The following NPEPL1 variants were observed in gnomAD, a reference collection of about 807,000 sequenced individuals.
The protein encoded by NPEPL1 is probable aminopeptidase NPEPL1.
Under a neutral mutation model 52.4 loss-of-function variants are expected in NPEPL1, and 45 were observed. The ratio of observed to expected loss-of-function variants is 0.86; its 90% CI spans 0.68 to 1.10. The LOEUF (loss-of-function observed/expected upper bound fraction) is 1.10. Among genes scored for constraint, NPEPL1 ranks in the 50% least tolerant of loss-of-function variants. The probability of loss-of-function intolerance (pLI) is 0.00; values close to 1 mark genes in which losing one functional copy is unlikely to be tolerated. For missense variants in NPEPL1, 696 were observed against 710.9 expected (o/e 0.98, Z 0.24); for synonymous variants, 360 against 314.7 (o/e 1.14, Z -1.52).
rs373873091 is a variant in NPEPL1, at chr20:58,715,215, C to T, written c.1461C>T (p.Phe487=). 95 of 1,607,998 alleles carry T rather than the reference C, an allele frequency of 5.9e-5. No homozygotes were observed. The Middle Eastern group carries it at 1.9e-3, about 33-fold the overall frequency. The part of the protein sequence containing the change: ...GFGVALLLAL[F]GRASEDPLLN... ...GTGTGGCCCTCCTGCTGGCGCTCTT[C>T]GGCCGTGCCTCTGAGGACCCTCTGC... is the stretch of plus-strand genomic sequence containing the variant. The change falls in exon 12 of 12, where the codon TTC becomes TTT. Residue 487 remains phenylalanine, a synonymous_variant. Coordinates refer to ENST00000356091, the MANE Select transcript of NPEPL1 (RefSeq NM_024663.4).
At chr20:58,692,568 G>T (rs1490449396), upstream of NPEPL1, 2 of 147,272 alleles carry the variant, frequency 1.4e-5, no homozygotes, top group Admixed American at 1.4e-4. This position sits in a 1 kb window ranked among gnomAD's most constrained non-coding sequence, Gnocchi z 5.7. Flanking sequence ...GGGCCACGTC[G>T]CCCCGCGTGT....
intron 6 of NPEPL1, chr20:58,705,523 TC>T: frequency 2.2e-6 from 1 of 456,306 alleles, no homozygotes; most frequent in Non-Finnish European, 4.4e-6. Flanking sequence ...ATACAGTGGC[TC>T]CCGGACCTCT....
rs1157857556 is a variant in NPEPL1, at chr20:58,699,287, G to T, written c.679+9G>T. 1.3e-6 allele frequency: 2 copies of T among 1,599,678 alleles called. No individual in the cohort carries two copies. The highest frequency in any genetic ancestry group is 1.7e-6 in the Non-Finnish European group (2 of 1,172,554). ...GACGAGAGGATTTGGAGGTGGGTGG[G>T]GGCTGCATCCCTGCAGCTCTTGGCC... On this transcript the variant is annotated intron_variant, in intron 5 of 11. Coordinates refer to ENST00000356091, the MANE Select transcript of NPEPL1 (RefSeq NM_024663.4).
chr20:58,713,694 C>T lies in NPEPL1; in HGVS notation c.1125+151C>T. 1 of 1,220,690 alleles carries T rather than the reference C, an allele frequency of 8.2e-7. No homozygotes were observed. Among genetic ancestry groups the T allele is most frequent in the South Asian group, 1.7e-5 (1 of 60,232 alleles). 75.6% of individuals were successfully genotyped at this position (1,220,690 alleles called of 1,614,324 possible). On this transcript the variant is annotated intron_variant, in intron 9 of 11. Transcript: ENST00000356091. The surrounding 1 kb of genome is among the most constrained non-coding windows in gnomAD (Gnocchi z 4.6). Reference sequence around the variant, plus strand: ...GAGGCAGGAGGAGCTGCCCGTCAAGCTTGGTGTGGGCAGTACCGAGGCCCA... The same window carrying T: ...GAGGCAGGAGGAGCTGCCCGTCAAGTTTGGTGTGGGCAGTACCGAGGCCCA...
rs1294847281 is a variant in NPEPL1 at position 58,713,910 on chromosome 20, C to A, written c.1126-7C>A. On this transcript the variant is annotated splice_polypyrimidine_tract_variant and splice_region_variant and intron_variant, in intron 9 of 11. Transcript: ENST00000356091. The surrounding 1 kb of genome is among the most constrained non-coding windows in gnomAD (Gnocchi z 4.6). The stretch of plus-strand genomic sequence containing the variant: ...TCCACACGCTTCCCGGGTTCCTGCC[C>A]GCCCAGGGCATTGCCACAGGGAAGT... The A allele has an allele frequency of 1.4e-6, 2 of 1,456,710 alleles. No individual in the cohort carries two copies. The highest frequency in any genetic ancestry group is 1.5e-5 in the South Asian group (1 of 68,832). The allele number at this position is 1,456,710 out of a possible 1,614,324, so 90.2% of individuals were successfully genotyped here.
chr20:58,713,566 C>T lies in NPEPL1; in HGVS notation c.1125+23C>T. Reference sequence around the variant, plus strand: ...CAGGTGAGTGCTCCCTGGATCCACCCCTTAGCTGTAGTCCCAGGGAACCCC... The same window carrying T: ...CAGGTGAGTGCTCCCTGGATCCACCTCTTAGCTGTAGTCCCAGGGAACCCC... On this transcript the variant is annotated intron_variant, in intron 9 of 11. Coordinates refer to ENST00000356091, the MANE Select transcript of NPEPL1 (RefSeq NM_024663.4). The surrounding 1 kb of genome is among the most constrained non-coding windows in gnomAD (Gnocchi z 4.6). The T allele has an allele frequency of 2.5e-6, 4 of 1,573,102 alleles. No individual in the cohort carries two copies. Among genetic ancestry groups the T allele is most frequent in the Non-Finnish European group, 3.5e-6 (4 of 1,154,690 alleles).
chr20:58,694,287 C>G (rs1235599809), intron 2 of NPEPL1, 135 bp from the exon 3 acceptor site: 1 of 865,848 alleles, frequency 1.2e-6, no homozygotes, highest in Non-Finnish European at 1.7e-6. Context: ...GATGGGGTGG[C>G]GGCTGCTGTG....
chr20:58,714,824 C>A, intron 11 of NPEPL1, 154 bp downstream of exon 11: 1 of 657,290 alleles, frequency 1.5e-6, no homozygotes, highest in African/African-American at 1.8e-5. Context: ...CAGGTCTCAT[C>A]CTCCCTGGGA....
chr20:58,690,253 G>C (rs1193916209), upstream of NPEPL1, among the ~76,000 whole-genome samples: 1 of 152,168 alleles, frequency 6.6e-6, no homozygotes, highest in South Asian at 2.1e-4. Context: ...ACATCCAATT[G>C]AATGTGGAAT....
chr20:58,690,743 C>T (rs2084330824), upstream of NPEPL1, among the ~76,000 whole-genome samples: 1 of 152,200 alleles, frequency 6.6e-6, no homozygotes, highest in South Asian at 2.1e-4. Flanking sequence ...TGGGGACTGT[C>T]AGGGTTATTC....
At chr20:58,697,470 G>A (rs1157721081) in intron 3 of NPEPL1, among the ~76,000 whole-genome samples, 5 of 152,256 alleles carry the variant, frequency 3.3e-5, no homozygotes, top group Admixed American at 6.5e-5. Context: ...GAGCTGTCAA[G>A]GTCCAGGTTT....
rs369031112 is a variant in NPEPL1 at position 58,698,724 on chromosome 20, G to A, written c.548G>A (p.Arg183His). 1.2e-5 allele frequency: 19 copies of A among 1,612,640 alleles called. No individual in the cohort carries two copies. The highest frequency in any genetic ancestry group is 4.4e-5 in the South Asian group (4 of 91,092). ...NATDGVRLAA[R>H]IVDTPCNEMN... ...ACAGACGGCGTGCGGCTAGCAGCCC[G>A]CATCGTGGACACACCCTGCAATGAG... Residue 183 changes from arginine (R) to histidine (H), a missense_variant, in exon 4 of 12, where the codon CGC becomes CAC. Arg to His is a conservative substitution (Grantham distance 29). Transcript: ENST00000356091.
chr20:58,702,105 C>T (rs980171641), intron 6 of NPEPL1, among the ~76,000 whole-genome samples: 15 of 152,244 alleles, frequency 9.9e-5, no homozygotes, highest in Non-Finnish European at 2.1e-4. Flanking sequence ...GCAGACACTG[C>T]AAACTAGCAG....
At position 58,701,162 on chromosome 20, in the gene NPEPL1, AG is replaced by A. The variant is rs1568852240; in HGVS notation, c.822+6del. 2 of 1,494,928 alleles carry A rather than the reference AG, an allele frequency of 1.3e-6. No homozygotes were observed. Among genetic ancestry groups the A allele is most frequent in the Non-Finnish European group, 1.8e-6 (2 of 1,115,420 alleles). The allele number at this position is 1,494,928 out of a possible 1,614,324, so 92.6% of individuals were successfully genotyped here. A position where few individuals can be genotyped will look rare whatever the true frequency, so the allele number is the denominator to read the frequency against. On this transcript the variant is annotated splice_donor_5th_base_variant and intron_variant, in intron 6 of 11. Coordinates refer to ENST00000356091, the MANE Select transcript of NPEPL1 (RefSeq NM_024663.4). ...AGGCCTCAGCATCAAAGGGAAGGTG[AG>A]GTGCGGGCTGGCTCTCAGGGTGCCC...
chr20:58,694,698 T>A, intron 3 of NPEPL1, 106 bp downstream of exon 3: 1 of 1,199,214 alleles, frequency 8.3e-7, no homozygotes, highest in Non-Finnish European at 1.1e-6. Flanking sequence ...AGGAGGGGGT[T>A]CCTGCCCTTC....
intron 7 of NPEPL1, among the ~76,000 whole-genome samples, chr20:58,710,596 C>T (rs892697273): frequency 3.3e-5 from 5 of 152,332 alleles, no homozygotes; most frequent in Middle Eastern, 3.4e-3. Flanking sequence ...ACCCTTCCCA[C>T]GCTGTCGCTG....
chr20:58,711,902 T>A (rs769585370), intron 7 of NPEPL1, among the ~76,000 whole-genome samples: 1 of 152,154 alleles, frequency 6.6e-6, no homozygotes, highest in Non-Finnish European at 1.5e-5. Flanking sequence ...GGGACAGGGG[T>A]CTGGGAGCTC....
At chr20:58,706,914 TC>T (rs961522931) in intron 6 of NPEPL1, among the ~76,000 whole-genome samples, 4 of 152,122 alleles carry the variant, frequency 2.6e-5, no homozygotes, top group African/African-American at 9.7e-5. Flanking sequence ...TGGCCATGAC[TC>T]CCTGTTGCTT....
chr20:58,705,652 T>C (rs1263813353), intron 6 of NPEPL1: 5 of 431,998 alleles, frequency 1.2e-5, no homozygotes, highest in Non-Finnish European at 2.4e-5. Context: ...AGAAACAACA[T>C]ATGGGGGCTG....
Sources: gnomAD v4.1 joint callset for allele counts (sites outside exome capture counted in the v4.1 genomes callset) on GRCh38, gnomAD v4.1.1 for gene constraint, Gnocchi (gnomAD v3.1) non-coding constraint, MANE v1.5 for transcripts, NCBI Gene and HGNC (gene_info 2026-07-23, HGNC 2026-07-21) for gene names.